The following GPR89A variants were observed in gnomAD, a reference collection of about 807,000 sequenced individuals.
The protein encoded by GPR89A is golgi pH regulator A.
Under a neutral mutation model 52.0 loss-of-function variants are expected in GPR89A, and 16 were observed. The observed-to-expected ratio is 0.31, with a 90% CI of 0.21 to 0.47. GPR89A has a LOEUF of 0.47. Among genes scored for constraint, GPR89A ranks in the 20% least tolerant of loss-of-function variants. The pLI is 1.00. For synonymous variants in GPR89A, 55 were observed against 150.9 expected (o/e 0.36, Z 4.66); for missense variants, 135 against 449.4 (o/e 0.30, Z 6.33).
At chr1:145,629,206 C>G (rs1553689449) in intron 5 of GPR89A, among the ~76,000 whole-genome samples, 5 of 152,216 alleles carry the variant, frequency 3.3e-5, no homozygotes, top group African/African-American at 1.2e-4. Flanking sequence ...CAGAGAAGAT[C>G]AGAAGCACAA....
At chr1:145,665,479 A>G in intron 11 of GPR89A, 83 bp from the exon 12 acceptor site, 1 of 1,585,722 alleles carries the variant, frequency 6.3e-7, no homozygotes, top group Non-Finnish European at 8.7e-7. Flanking sequence ...TCTCACAGTC[A>G]TGTAAATGAT....
intron 1 of GPR89A, among the ~76,000 whole-genome samples, chr1:145,609,984 T>C (rs587730392): frequency 6.6e-6 from 1 of 152,302 alleles, no homozygotes; most frequent in East Asian, 1.9e-4. Flanking sequence ...CTCATTTCCA[T>C]GTTTTATTTT....
chr1:145,628,749 A>G (rs1553689353), intron 5 of GPR89A, among the ~76,000 whole-genome samples: 3 of 152,250 alleles, frequency 2.0e-5, no homozygotes, highest in African/African-American at 4.8e-5. Context: ...ATTTCATTCA[A>G]TAAAGAAGAA....
At chr1:145,620,130 T>C (rs1429245801) in intron 3 of GPR89A, among the ~76,000 whole-genome samples, 6 of 152,132 alleles carry the variant, frequency 3.9e-5, no homozygotes, top group Non-Finnish European at 8.8e-5. Context: ...TTAAATTTTA[T>C]TATCACAACC....
chr1:145,664,461 G>A (rs1571548192), intron 11 of GPR89A, among the ~76,000 whole-genome samples: 1 of 151,802 alleles, frequency 6.6e-6, no homozygotes, highest in East Asian at 1.9e-4. Context: ...ACCAGCCTGG[G>A]CAACATGGTG....
chr1:145,655,574 T>C (rs1393042833), intron 10 of GPR89A, among the ~76,000 whole-genome samples: 1 of 152,218 alleles, frequency 6.6e-6, no homozygotes, highest in Non-Finnish European at 1.5e-5. Context: ...CTGCCATTTG[T>C]TGGCGGTCGA....
intron 5 of GPR89A, among the ~76,000 whole-genome samples, chr1:145,629,916 GT>G (rs1291517696): frequency 6.6e-6 from 1 of 152,220 alleles, no homozygotes; most frequent in Non-Finnish European, 1.5e-5. Context: ...GACCATAGGA[GT>G]GGATGGCTGT....
intron 10 of GPR89A, among the ~76,000 whole-genome samples, chr1:145,658,357 C>T (rs1370560213): frequency 1.4e-5 from 2 of 147,260 alleles, no homozygotes; most frequent in Non-Finnish European, 3.0e-5. Context: ...GTAATCCCAA[C>T]ACTTTGGGAG....
chr1:145,646,757 A>G (rs1559041152), intron 9 of GPR89A: 1 of 219,806 alleles, frequency 4.5e-6, no homozygotes, highest in Non-Finnish European at 9.0e-6. Flanking sequence ...GAAGATTACA[A>G]ACTTTTAATT....
chr1:145,615,221 A>G (rs1180818056), intron 1 of GPR89A, among the ~76,000 whole-genome samples: 1 of 152,228 alleles, frequency 6.6e-6, no homozygotes, highest in Non-Finnish European at 1.5e-5. Flanking sequence ...ATTAGGCAGG[A>G]TGGTGGAGAA....
At chr1:145,652,955 G>A (rs151133747) in intron 10 of GPR89A, among the ~76,000 whole-genome samples, 1,055 of 104,140 alleles carry the variant, frequency 0.01, 189 homozygotes, top group African/African-American at 0.062. Flanking sequence ...TTTTTGAAGG[G>A]TTTTTCGTGC....
intron 3 of GPR89A, among the ~76,000 whole-genome samples, chr1:145,619,119 A>C (rs1206891701): frequency 6.6e-6 from 1 of 152,180 alleles, no homozygotes; most frequent in African/African-American, 2.4e-5. Flanking sequence ...TTTTAGGAGT[A>C]AAGCAGTCTT....
intron 7 of GPR89A, among the ~76,000 whole-genome samples, chr1:145,636,228 C>A (rs1650231876): frequency 6.6e-6 from 1 of 151,880 alleles, no homozygotes; most frequent in Non-Finnish European, 1.5e-5. Context: ...AGATAGACAG[C>A]AAACATGACA....
chr1:145,639,306 A>C (rs1347347469), intron 7 of GPR89A, among the ~76,000 whole-genome samples: 1 of 152,008 alleles, frequency 6.6e-6, no homozygotes, highest in Non-Finnish European at 1.5e-5. Context: ...GAAAGGCAAA[A>C]TAACTAGAAT....
At chr1:145,643,578 C>T (rs1650794536) in intron 7 of GPR89A, among the ~76,000 whole-genome samples, 1 of 152,198 alleles carries the variant, frequency 6.6e-6, no homozygotes, top group South Asian at 2.1e-4. Context: ...ATCTTCACAA[C>T]CATCCAGAGA....
At chr1:145,640,848 G>T (rs1650610707) in intron 7 of GPR89A, among the ~76,000 whole-genome samples, 2 of 149,996 alleles carry the variant, frequency 1.3e-5, no homozygotes. Flanking sequence ...TAGAAAATAA[G>T]CAAAAATGAT....
chr1:145,648,918 C>A (rs1425606474), intron 10 of GPR89A, among the ~76,000 whole-genome samples: 5,961 of 150,862 alleles, frequency 0.04, 315 homozygotes, highest in African/African-American at 0.14. Flanking sequence ...GATTCCCCTG[C>A]CTTAGGCTCC....
chr1:145,644,495 AG>A (rs1650853965), intron 8 of GPR89A: 1 of 162,438 alleles, frequency 6.2e-6, no homozygotes, highest in South Asian at 1.5e-4. Flanking sequence ...CTGTAATCCC[AG>A]CACTTTGCAA....
intron 7 of GPR89A, among the ~76,000 whole-genome samples, chr1:145,640,055 T>C (rs1157816043): frequency 6.6e-6 from 1 of 151,754 alleles, no homozygotes; most frequent in East Asian, 2.0e-4. Flanking sequence ...CCGTCTCTAC[T>C]AAAAATACAA....
Sources: gnomAD v4.1 joint callset for allele counts (sites outside exome capture counted in the v4.1 genomes callset) on GRCh38, gnomAD v4.1.1 for gene constraint, MANE v1.5 for transcripts, NCBI Gene and HGNC (gene_info 2026-07-23, HGNC 2026-07-21) for gene names.